Variants in QSOX1 observed in about 807,000 individuals in gnomAD.
QSOX1 encodes sulfhydryl oxidase 1.
QSOX1 carries 40 observed loss-of-function variants against 76.1 expected under a neutral mutation model. That is an observed-to-expected ratio of 0.53 (90% confidence interval 0.41 to 0.68). The LOEUF is 0.68. Ranked by LOEUF, QSOX1 falls within the 30% of genes least tolerant of loss-of-function variation. The probability of loss-of-function intolerance (pLI) is 0.00; values close to 1 mark genes in which losing one functional copy is unlikely to be tolerated. For missense variants in QSOX1, 931 were observed against 974.3 expected (o/e 0.96, Z 0.59); for synonymous variants, 392 against 413.1 (o/e 0.95, Z 0.62).
intron 2 of QSOX1, among the ~76,000 whole-genome samples, chr1:180,174,538 A>G (rs1662835015): frequency 6.6e-6 from 1 of 152,170 alleles, no homozygotes; most frequent in African/African-American, 2.4e-5. Context: ...CCTTTTCCCA[A>G]GTAAGGAGCA....
In QSOX1 at chr1:180,196,405, A is replaced by G. The variant is rs748339535; in HGVS notation, c.1612A>G (p.Ser538Gly). 3.0e-5 allele frequency: 48 copies of G among 1,614,170 alleles called. No individual in the cohort carries two copies. The highest frequency in any genetic ancestry group is 4.4e-5 in the South Asian group (4 of 91,082). ...LNFLKAHFSP[S>G]NIILDFPAAG... ...CTTCCTCAAGGCCCACTTCTCCCCA[A>G]GCAACATCATCCTGGACTTCCCTGC... The change falls in exon 12 of 12, where the codon AGC becomes GGC. Residue 538 changes from serine (S) to glycine (G), a missense_variant. Transcript: ENST00000367602. The surrounding 1 kb of genome is among the most constrained non-coding windows in gnomAD (Gnocchi z 4.1).
At position 180,200,129 on chromosome 1, in the gene QSOX1, C is replaced by T. The variant is rs970536276; in HGVS notation, c.*3092C>T. 4 of 152,170 alleles carry T rather than the reference C, an allele frequency of 2.6e-5. No individual in the cohort carries two copies. The highest frequency in any genetic ancestry group is 2.1e-4 in the South Asian group (1 of 4,830). 9.4% of individuals were successfully genotyped at this position (152,170 alleles called of 1,614,324 possible). A position where few individuals can be genotyped will look rare whatever the true frequency, so the allele number is the denominator to read the frequency against. Reference sequence around the variant, plus strand: ...GAAGAGAATGGACTCTGGAATCTGACGTCTGGGTTTGAATCCAGCTTCCAA... The same window carrying T: ...GAAGAGAATGGACTCTGGAATCTGATGTCTGGGTTTGAATCCAGCTTCCAA... On this transcript the variant is annotated 3_prime_UTR_variant, in exon 12 of 12. Coordinates refer to ENST00000367602, the MANE Select transcript of QSOX1 (RefSeq NM_002826.5).
chr1:180,157,803 T>A (rs928845186), intron 1 of QSOX1, among the ~76,000 whole-genome samples: 1 of 152,212 alleles, frequency 6.6e-6, no homozygotes, highest in Non-Finnish European at 1.5e-5. Context: ...TCAGCAAATA[T>A]TTGTTGAGTG....
intron 1 of QSOX1, among the ~76,000 whole-genome samples, chr1:180,155,515 A>C (rs1662357298): frequency 1.3e-5 from 2 of 151,862 alleles, no homozygotes; most frequent in Non-Finnish European, 2.9e-5. Context: ...GTCCGCTGAC[A>C]CCTTACCGTT....
intron 5 of QSOX1, 38 bp downstream of exon 5, chr1:180,178,922 C>A: frequency 6.4e-7 from 1 of 1,563,116 alleles, no homozygotes; most frequent in Non-Finnish European, 8.8e-7. Context: ...TCTTGGATAG[C>A]CATGGAGAGA....
Position 180,196,947 on chromosome 1 carries a change from C to G in QSOX1, c.2154C>G (p.Ser718=). ...TCAGCCTCTGTGTGGGGCTCTATTC[C>G]CTGTCCTTCATGGGCCTGCTGGCCA... ...LDISLCVGLY[S]LSFMGLLAMY... Residue 718 remains serine, a synonymous_variant, in exon 12 of 12, where the codon TCC becomes TCG. Transcript: ENST00000367602. The surrounding 1 kb of genome is among the most constrained non-coding windows in gnomAD (Gnocchi z 4.1). 2.5e-6 allele frequency: 4 copies of G among 1,609,010 alleles called. No homozygotes were observed. The highest frequency in any genetic ancestry group is 3.4e-6 in the Non-Finnish European group (4 of 1,176,932).
At chr1:180,173,576 G>A (rs1331980532) in intron 2 of QSOX1, among the ~76,000 whole-genome samples, 18 of 152,292 alleles carry the variant, frequency 1.2e-4, no homozygotes, top group Middle Eastern at 3.4e-3. Context: ...CCCGGGGGAG[G>A]TCACAGGGAG....
At position 180,166,553 on chromosome 1, in the gene QSOX1, T is replaced by C. The variant is rs1330036317; in HGVS notation, c.328T>C (p.Cys110Arg). The C allele has an allele frequency of 6.2e-7, 1 of 1,614,046 alleles. No individual in the cohort carries two copies. The highest frequency in any genetic ancestry group is 1.3e-5 in the African/African-American group (1 of 74,934). Residue 110 changes from cysteine (C) to arginine (R), a missense_variant, in exon 2 of 12, where the codon TGC becomes CGC. Physicochemically the swap from Cys to Arg is radical, Grantham distance 180. Coordinates refer to ENST00000367602, the MANE Select transcript of QSOX1 (RefSeq NM_002826.5). The stretch of plus-strand genomic sequence containing the variant: ...TGCTGAGGAGACCAACAGTGCAGTC[T>C]GCAGAGACTTCAACATCCCTGGCTT... Reference protein sequence around the residue: ...DCAEETNSAVCRDFNIPGFPT... With the variant: ...DCAEETNSAVRRDFNIPGFPT...
intron 4 of QSOX1, among the ~76,000 whole-genome samples, chr1:180,177,607 A>AG (rs1662931460): frequency 6.6e-6 from 1 of 152,208 alleles, no homozygotes; most frequent in Admixed American, 6.5e-5. Context: ...GTGTGATGAA[A>AG]GGTGAGCTGC....
intron 4 of QSOX1, among the ~76,000 whole-genome samples, chr1:180,177,134 T>C (rs562091423): frequency 1.3e-5 from 2 of 152,234 alleles, no homozygotes; most frequent in Admixed American, 6.5e-5. Context: ...TCTCAATGAC[T>C]GTGTTTCCAT....
At chr1:180,155,786 G>T (rs865800051) in intron 1 of QSOX1, among the ~76,000 whole-genome samples, 2 of 152,134 alleles carry the variant, frequency 1.3e-5, no homozygotes, top group Non-Finnish European at 2.9e-5. Flanking sequence ...CTGACCTGCC[G>T]CCTCCAGCTC....
intron 2 of QSOX1, among the ~76,000 whole-genome samples, chr1:180,169,886 C>T (rs1662722707): frequency 1.3e-5 from 2 of 152,212 alleles, no homozygotes. Flanking sequence ...TCACGGAGCT[C>T]TTTCACTGGT....
chr1:180,194,591 G>T (rs1308767121), intron 11 of QSOX1, among the ~76,000 whole-genome samples, 199 bp downstream of exon 11: 1 of 152,178 alleles, frequency 6.6e-6, no homozygotes, highest in Non-Finnish European at 1.5e-5. Flanking sequence ...GTAAGACCCT[G>T]GTCTTCCCAT....
intron 1 of QSOX1, among the ~76,000 whole-genome samples, chr1:180,163,143 A>C (rs1174511577): frequency 6.6e-6 from 1 of 151,938 alleles, no homozygotes; most frequent in Non-Finnish European, 1.5e-5. Context: ...CAAAAAAAAA[A>C]AAACACAAAA....
intron 11 of QSOX1, among the ~76,000 whole-genome samples, chr1:180,195,810 G>A (rs1384527030): frequency 6.6e-6 from 1 of 152,230 alleles, no homozygotes; most frequent in Non-Finnish European, 1.5e-5. Context: ...TGTGCAGTTT[G>A]TATAATTTGG....
intron 7 of QSOX1, 42 bp from the exon 8 acceptor site, chr1:180,186,011 G>A (rs757439169): frequency 2.5e-6 from 4 of 1,608,794 alleles, no homozygotes; most frequent in Non-Finnish European, 3.4e-6. Flanking sequence ...CTGCACCATG[G>A]TTAATACTTC....
chr1:180,186,027 C>G (rs1487236244), intron 7 of QSOX1, 26 bp from the exon 8 acceptor site: 4 of 1,612,380 alleles, frequency 2.5e-6, no homozygotes, highest in Admixed American at 3.3e-5. Context: ...ACTTCTTTCT[C>G]TCTCTATCTC....
At chr1:180,187,572 C>T (rs920466104) in intron 8 of QSOX1, among the ~76,000 whole-genome samples, 17 of 152,260 alleles carry the variant, frequency 1.1e-4, no homozygotes, top group African/African-American at 4.1e-4. Flanking sequence ...GTGATCAAAC[C>T]TGCTATTTTC....
chr1:180,187,971 C>G (rs575149410), intron 8 of QSOX1, among the ~76,000 whole-genome samples: 5 of 152,216 alleles, frequency 3.3e-5, no homozygotes, highest in African/African-American at 1.2e-4. Flanking sequence ...TCAGCCCTGC[C>G]GGTGCCTGCA....
Sources: gnomAD v4.1 joint callset for allele counts (sites outside exome capture counted in the v4.1 genomes callset) on GRCh38, gnomAD v4.1.1 for gene constraint, Gnocchi (gnomAD v3.1) non-coding constraint, MANE v1.5 for transcripts, NCBI Gene and HGNC (gene_info 2026-07-23, HGNC 2026-07-21) for gene names.